The following VPS37B variants were observed in gnomAD, a reference collection of about 807,000 sequenced individuals.
The protein encoded by VPS37B is vacuolar protein sorting-associated protein 37B.
VPS37B carries 11 observed loss-of-function variants against 21.2 expected under a neutral mutation model. The ratio of observed to expected loss-of-function variants is 0.52; its 90% CI spans 0.33 to 0.86. The LOEUF (loss-of-function observed/expected upper bound fraction) is 0.86. Among genes scored for constraint, VPS37B ranks in the 40% least tolerant of loss-of-function variants. The probability of loss-of-function intolerance (pLI) is 0.03; values close to 1 mark genes in which losing one functional copy is unlikely to be tolerated. For missense variants in VPS37B, 389 were observed against 374.8 expected (o/e 1.04, Z -0.31); for synonymous variants, 175 against 159.6 (o/e 1.10, Z -0.73).
chr12:122,884,324 T>C (rs1019316096), intron 1 of VPS37B: 24 of 152,222 alleles, frequency 1.6e-4, no homozygotes, highest in Admixed American at 9.8e-4. Flanking sequence ...TCCGAGTCCT[T>C]TGGGAATTCT....
At chr12:122,871,677 GA>G (rs549979281) in intron 1 of VPS37B, 9 of 985,542 alleles carry the variant, frequency 9.1e-6, no homozygotes, top group African/African-American at 1.7e-5. Flanking sequence ...GCTGGGGGAA[GA>G]GGGGGGACAT....
chr12:122,865,979 C>T lies in VPS37B; in HGVS notation c.*1137G>A, dbSNP rs944130614. The T allele has an allele frequency of 1.3e-5, 2 of 152,652 alleles. No individual in the cohort carries two copies. The highest frequency in any genetic ancestry group is 2.4e-5 in the African/African-American group (1 of 41,474). The allele number at this position is 152,652 out of a possible 1,614,324, so 9.5% of individuals were successfully genotyped here. On this transcript the variant is annotated 3_prime_UTR_variant, in exon 4 of 4. Transcript: ENST00000267202. Reference sequence around the variant, plus strand: ...CATGGGGCGGGCTTTCGCCAAACCCCTAACGTTGCCCACCCTGAGGCCCAG... The same window carrying T: ...CATGGGGCGGGCTTTCGCCAAACCCTTAACGTTGCCCACCCTGAGGCCCAG...
At chr12:122,881,982 T>C (rs2034253690) in intron 1 of VPS37B, 1 of 152,234 alleles carries the variant, frequency 6.6e-6, no homozygotes, top group South Asian at 2.1e-4. Context: ...TCATCATTCA[T>C]GCTTAAAAAT....
intron 1 of VPS37B, among the ~76,000 whole-genome samples, chr12:122,892,774 G>A (rs1466526638): frequency 2.0e-5 from 3 of 152,130 alleles, no homozygotes; most frequent in Non-Finnish European, 4.4e-5. Flanking sequence ...AAATTAGCCG[G>A]TGGCAGCGGG....
chr12:122,885,216 G>C (rs1355316654), intron 1 of VPS37B: 2 of 150,006 alleles, frequency 1.3e-5, no homozygotes, highest in Non-Finnish European at 3.0e-5. Flanking sequence ...TAGGGGATCA[G>C]ATATTTTACC....
At chr12:122,873,347 G>A (rs1387355991) in intron 1 of VPS37B, 1 of 152,188 alleles carries the variant, frequency 6.6e-6, no homozygotes, top group Non-Finnish European at 1.5e-5. Context: ...ACCAACCACT[G>A]CTGAGATGGC....
chr12:122,866,979 C>T lies in VPS37B; in HGVS notation c.*137G>A. The T allele has an allele frequency of 3.4e-6, 4 of 1,173,824 alleles. No homozygotes were observed. Among genetic ancestry groups the T allele is most frequent in the Non-Finnish European group, 3.4e-6 (3 of 881,106 alleles). The allele number at this position is 1,173,824 out of a possible 1,614,324, so 72.7% of individuals were successfully genotyped here. A position where few individuals can be genotyped will look rare whatever the true frequency, so the allele number is the denominator to read the frequency against. ...GCTCCTACTACTCACCACTGACCTACAGTTCTAAAATCAGACAGACACGCT... is the reference window on the plus strand; with the variant it reads ...GCTCCTACTACTCACCACTGACCTATAGTTCTAAAATCAGACAGACACGCT... On this transcript the variant is annotated 3_prime_UTR_variant, in exon 4 of 4. Transcript: ENST00000267202.
chr12:122,892,320 T>G (rs1365980965), intron 1 of VPS37B, among the ~76,000 whole-genome samples: 1 of 152,106 alleles, frequency 6.6e-6, no homozygotes, highest in African/African-American at 2.4e-5. Flanking sequence ...GTTCACTACT[T>G]AAACTGCACT....
At chr12:122,869,295 C>T (rs1363669290) in intron 2 of VPS37B, among the ~76,000 whole-genome samples, 1 of 152,212 alleles carries the variant, frequency 6.6e-6, no homozygotes, top group Non-Finnish European at 1.5e-5. Context: ...GTTGGGTATA[C>T]ACCCAGGAGC....
intron 2 of VPS37B, chr12:122,870,600 G>A (rs2034004973): frequency 3.8e-6 from 1 of 261,442 alleles, no homozygotes; most frequent in Non-Finnish European, 7.4e-6. Context: ...CCTGCTTGGG[G>A]TAGTGCACAC....
intron 1 of VPS37B, chr12:122,889,677 G>C (rs2034384942): frequency 6.7e-6 from 1 of 150,256 alleles, no homozygotes; most frequent in Admixed American, 6.7e-5. Flanking sequence ...AGCCGAGATT[G>C]TGCCATTGCA....
chr12:122,871,304 T>C, intron 1 of VPS37B: 1 of 1,269,472 alleles, frequency 7.9e-7, no homozygotes, highest in Non-Finnish European at 1.0e-6. Context: ...AGGACAGGCT[T>C]TGTCCTGTGA....
chr12:122,888,358 A>G, intron 1 of VPS37B: 1 of 342,202 alleles, frequency 2.9e-6, no homozygotes, highest in Non-Finnish European at 5.8e-6. Context: ...CTGCTTTTGT[A>G]TCATTGGGTA....
In VPS37B at chr12:122,867,059, G is replaced by A; in HGVS notation, c.*57C>T. 1 of 1,463,518 alleles carries A rather than the reference G, an allele frequency of 6.8e-7. No individual in the cohort carries two copies. Among genetic ancestry groups the A allele is most frequent in the Non-Finnish European group, 9.0e-7 (1 of 1,108,804 alleles). The allele number at this position is 1,463,518 out of a possible 1,614,324, so 90.7% of individuals were successfully genotyped here. A position where few individuals can be genotyped will look rare whatever the true frequency, so the allele number is the denominator to read the frequency against. On this transcript the variant is annotated 3_prime_UTR_variant, in exon 4 of 4. Transcript: ENST00000267202. This position sits in a 1 kb window ranked among gnomAD's most constrained non-coding sequence, Gnocchi z 5.5. ...AGCGGACCTCCAGCCTCCTTCCCGT[G>A]AGCAGAGCACAACACGCCAGGTGGA...
At chr12:122,873,289 T>C (rs963099270) in intron 1 of VPS37B, 1 of 152,196 alleles carries the variant, frequency 6.6e-6, no homozygotes, top group Non-Finnish European at 1.5e-5. Context: ...TTCAACTGCA[T>C]GTGAAACTAT....
chr12:122,888,866 A>G (rs2034367284), intron 1 of VPS37B: 1 of 291,774 alleles, frequency 3.4e-6, no homozygotes, highest in Non-Finnish European at 6.9e-6. Flanking sequence ...CAAGCAGAGC[A>G]TTCACCCTGA....
rs561505641 is a variant in VPS37B, at chr12:122,868,444, C to T, written c.366+36G>A. 457 of 1,598,468 alleles carry T rather than the reference C, an allele frequency of 2.9e-4. 5 individuals carry two copies. In the South Asian group the frequency reaches 3.7e-3, roughly 13 times the overall value. ...CAGCGGGCCCACGGACTGCCCAAAG[C>T]GCCCCAAGGATTCCACCAAGGCTGG... On this transcript the variant is annotated intron_variant, in intron 3 of 3. Transcript: ENST00000267202. This position sits in a 1 kb window ranked among gnomAD's most constrained non-coding sequence, Gnocchi z 5.5.
chr12:122,867,653 G>A lies in VPS37B; in HGVS notation c.367-46C>T. 1 of 1,603,540 alleles carries A rather than the reference G, an allele frequency of 6.2e-7. No homozygotes were observed. Among genetic ancestry groups the A allele is most frequent in the Non-Finnish European group, 8.5e-7 (1 of 1,179,632 alleles). On this transcript the variant is annotated intron_variant, in intron 3 of 3. Coordinates refer to ENST00000267202, the MANE Select transcript of VPS37B (RefSeq NM_024667.3). This position sits in a 1 kb window ranked among gnomAD's most constrained non-coding sequence, Gnocchi z 5.5. ...GTTACAGGGACAGCCAGATGGGGAG[G>A]ATGCTCCCTTCGTGGTCTAGGCACA...
At chr12:122,892,760 TA>T (rs1157042727) in intron 1 of VPS37B, among the ~76,000 whole-genome samples, 1 of 151,956 alleles carries the variant, frequency 6.6e-6, no homozygotes, top group African/African-American at 2.4e-5. Context: ...AAAACAAAAA[TA>T]AAAAATTAGC....
Sources: allele counts gnomAD v4.1 joint callset (sites outside exome capture counted in the v4.1 genomes callset), GRCh38; gene constraint gnomAD v4.1.1; non-coding constraint Gnocchi (gnomAD v3.1); transcripts MANE v1.5; gene names NCBI Gene and HGNC (gene_info 2026-07-23, HGNC 2026-07-21).